Variants in DENND6A observed in about 807,000 individuals in gnomAD.
DENND6A encodes the protein protein DENND6A.
Under a neutral mutation model 95.5 loss-of-function variants are expected in DENND6A, and 43 were observed. That is an observed-to-expected ratio of 0.45 (90% CI 0.35 to 0.58). The LOEUF (loss-of-function observed/expected upper bound fraction) is 0.58. DENND6A is among the 20% of genes least tolerant of loss of function. The probability of loss-of-function intolerance (pLI) is 0.00; values close to 1 mark genes in which losing one functional copy is unlikely to be tolerated. For missense variants in DENND6A, 574 were observed against 736.0 expected, an observed-to-expected ratio of 0.78 and a Z score of 2.55; for synonymous variants, 257 against 260.4, an observed-to-expected ratio of 0.99 and a Z score of 0.13.
At chr3:57,660,901 G>A in intron 6 of DENND6A, 62 bp from the exon 7 acceptor site, 1 of 1,411,260 alleles carries the variant, frequency 7.1e-7, no homozygotes, top group South Asian at 1.4e-5. Flanking sequence ...TTAAAAATGA[G>A]GCATTAGAAA....
chr3:57,669,796 C>T (rs562187297), intron 3 of DENND6A, among the ~76,000 whole-genome samples: 1 of 149,904 alleles, frequency 6.7e-6, no homozygotes, highest in Non-Finnish European at 1.5e-5. Context: ...CTGAGGCAGG[C>T]GAATCACTTG....
intron 3 of DENND6A, among the ~76,000 whole-genome samples, chr3:57,671,703 C>G (rs776810277): frequency 1.2e-4 from 19 of 152,074 alleles, no homozygotes; most frequent in Non-Finnish European, 2.1e-4. Flanking sequence ...CGATTAGGAC[C>G]ACACAAAAGG....
chr3:57,676,325 A>G (rs925421074), intron 1 of DENND6A, among the ~76,000 whole-genome samples: 1 of 146,806 alleles, frequency 6.8e-6, no homozygotes, highest in Non-Finnish European at 1.5e-5. Flanking sequence ...GGTTGCAGTG[A>G]GCTGAAATCA....
At chr3:57,638,473 C>T (rs972311037) in intron 12 of DENND6A, among the ~76,000 whole-genome samples, 2 of 151,038 alleles carry the variant, frequency 1.3e-5, no homozygotes, top group Non-Finnish European at 3.0e-5. Context: ...GCCTGGCCAA[C>T]ATGGTGAATC....
At chr3:57,665,388 C>T (rs1336078206) in intron 4 of DENND6A, among the ~76,000 whole-genome samples, 1 of 152,122 alleles carries the variant, frequency 6.6e-6, no homozygotes, top group African/African-American at 2.4e-5. Flanking sequence ...AAGGATCTCT[C>T]TTGGAGCACT....
intron 2 of DENND6A, 24 bp downstream of exon 2, chr3:57,672,376 A>C: frequency 6.2e-7 from 1 of 1,612,482 alleles, no homozygotes; most frequent in Non-Finnish European, 8.5e-7. Flanking sequence ...ACAGTAAACT[A>C]TACAGAGCAG....
intron 12 of DENND6A, among the ~76,000 whole-genome samples, chr3:57,638,820 A>G (rs1341423687): frequency 6.6e-6 from 1 of 152,060 alleles, no homozygotes; most frequent in Non-Finnish European, 1.5e-5. Context: ...GAAAAATAAC[A>G]GGCCAGGTGT....
chr3:57,690,953 G>A (rs1183332382), intron 1 of DENND6A, among the ~76,000 whole-genome samples: 1 of 152,130 alleles, frequency 6.6e-6, no homozygotes, highest in Admixed American at 6.6e-5. Context: ...GAAGCAAAAG[G>A]TTAAGAACTC....
At chr3:57,630,644 A>T (rs1257823136) in intron 17 of DENND6A, 71 bp downstream of exon 17, 16 of 1,552,876 alleles carry the variant, frequency 1.0e-5, no homozygotes, top group Non-Finnish European at 1.3e-5. Flanking sequence ...GAATAAGCTT[A>T]AGTTTAGCTT....
At position 57,626,920 on chromosome 3, in the gene DENND6A, C is replaced by CA. The variant is rs1487712595; in HGVS notation, c.*1293dup. ...ATAGTAGGAAAAGTGTTTTAAGAAACATTAATGTTGGGAAAAATAAAACGC... is the reference window on the plus strand; with the variant it reads ...ATAGTAGGAAAAGTGTTTTAAGAAACAATTAATGTTGGGAAAAATAAAACGC... On this transcript the variant is annotated 3_prime_UTR_variant, in exon 20 of 20. Coordinates refer to ENST00000311128, the MANE Select transcript of DENND6A (RefSeq NM_152678.3). The CA allele has an allele frequency of 6.6e-6, 1 of 152,346 alleles. No homozygotes were observed. Among genetic ancestry groups the CA allele is most frequent in the Non-Finnish European group, 1.5e-5 (1 of 68,002 alleles). The allele number at this position is 152,346 out of a possible 1,614,324, so 9.4% of individuals were successfully genotyped here.
chr3:57,674,717 A>G (rs903527158), intron 1 of DENND6A, among the ~76,000 whole-genome samples: 2 of 152,234 alleles, frequency 1.3e-5, no homozygotes, highest in African/African-American at 4.8e-5. Flanking sequence ...CATTAAATCA[A>G]ATTAAATGCC....
Position 57,634,600 on chromosome 3 carries a change from T to G in DENND6A, c.1221A>C (p.Pro407=), listed in dbSNP as rs937715568. ...SKPGVYTSYK[P]YLNRDEEIIK... ...TGATCTCTTCATCTCTATTTAAATA[T>G]GGCTTATATGAAGTATAAACTCCTA... is the stretch of plus-strand genomic sequence containing the variant. Residue 407 remains proline (P), a synonymous_variant, in exon 14 of 20, where the codon CCA becomes CCC. Transcript: ENST00000311128. 4 of 1,466,690 alleles carry G rather than the reference T, an allele frequency of 2.7e-6. No homozygotes were observed. The highest frequency in any genetic ancestry group is 2.3e-5 in the Admixed American group (1 of 42,970). The allele number at this position is 1,466,690 out of a possible 1,614,324, so 90.9% of individuals were successfully genotyped here.
In DENND6A at chr3:57,631,746, G is replaced by A. The variant is rs544657644; in HGVS notation, c.1354-768C>T. ...TTTTTTTTTTTTTTTTTTTTGAGAC[G>A]GAGTCTCACTCTTTCGCCCAAGCTG... On this transcript the variant is annotated intron_variant, in intron 15 of 19. Transcript: ENST00000311128. Among the ~76,000 whole-genome samples the A allele has an allele frequency of 4.2e-3, 548 of 129,896 alleles. 4 individuals carry two copies. The highest frequency in any genetic ancestry group is 0.015 in the African/African-American group (518 of 34,136). The allele number at this position is 129,896 out of a possible 152,430, so 85.2% of individuals were successfully genotyped here. A position where few individuals can be genotyped will look rare whatever the true frequency, so the allele number is the denominator to read the frequency against.
intron 9 of DENND6A, among the ~76,000 whole-genome samples, chr3:57,652,948 AT>A (rs2071240488): frequency 6.6e-6 from 1 of 152,356 alleles, no homozygotes; most frequent in Non-Finnish European, 1.5e-5. Flanking sequence ...ACTAGACATT[AT>A]TGTAACAACT....
intron 9 of DENND6A, among the ~76,000 whole-genome samples, chr3:57,649,024 A>AT: frequency 6.6e-6 from 1 of 152,322 alleles, no homozygotes; most frequent in Middle Eastern, 3.4e-3. Flanking sequence ...GATGGGACTT[A>AT]TTTTGCTTCT....
intron 5 of DENND6A, among the ~76,000 whole-genome samples, chr3:57,662,185 C>CTTTTTTTTTTTTTTTTTTTTTTTTTTCT (rs60063768): frequency 1.3e-5 from 1 of 79,136 alleles, no homozygotes; most frequent in Non-Finnish European, 2.3e-5. Flanking sequence ...TTTCTTTTTT[C>CTTTTTTTTTTTTTTTTTTTTTTTTTTCT]TTTTTTTTTT....
intron 3 of DENND6A, 140 bp from the exon 4 acceptor site, chr3:57,666,375 TAA>T (rs1166766246): frequency 1.4e-6 from 1 of 696,974 alleles, no homozygotes; most frequent in Non-Finnish European, 2.3e-6. Context: ...AAGAAAATCC[TAA>T]GAGTTCCAGT....
At chr3:57,646,108 T>TC (rs2071074528) in intron 10 of DENND6A, among the ~76,000 whole-genome samples, 1 of 152,202 alleles carries the variant, frequency 6.6e-6, no homozygotes, top group South Asian at 2.1e-4. Context: ...AAGGCATGGT[T>TC]CCAGCCCTCA....
intron 15 of DENND6A, among the ~76,000 whole-genome samples, chr3:57,632,080 C>T (rs187650325): frequency 1.3e-3 from 192 of 142,312 alleles, no homozygotes; most frequent in African/African-American, 4.3e-3. Flanking sequence ...AGTGCAGTGG[C>T]GCGATCTCAG....
Sources: allele counts gnomAD v4.1 joint callset (sites outside exome capture counted in the v4.1 genomes callset), GRCh38; gene constraint gnomAD v4.1.1; transcripts MANE v1.5; gene names NCBI Gene and HGNC (gene_info 2026-07-23, HGNC 2026-07-21).